The following TCERG1L variants were observed in gnomAD, a reference collection of about 807,000 sequenced individuals.
TCERG1L encodes the protein transcription elongation regulator 1 like.
A neutral mutation model predicts 56.3 loss-of-function variants in TCERG1L; 37 were observed. The ratio of observed to expected loss-of-function variants is 0.66; its 90% CI spans 0.51 to 0.87. The LOEUF is 0.87. Ranked by LOEUF, TCERG1L falls within the 40% of genes least tolerant of loss-of-function variation. The probability of loss-of-function intolerance (pLI) is 0.00; values close to 1 mark genes in which losing one functional copy is unlikely to be tolerated. For missense variants in TCERG1L, 799 were observed against 774.2 expected (o/e 1.03, Z -0.38); for synonymous variants, 324 against 326.3 (o/e 0.99, Z 0.08).
intron 6 of TCERG1L, among the ~76,000 whole-genome samples, chr10:131,154,861 C>A (rs1845902921): frequency 1.3e-5 from 2 of 152,240 alleles, no homozygotes; most frequent in Admixed American, 6.5e-5. Flanking sequence ...GAAGGGGCAG[C>A]CTGGGCCAGG....
At chr10:131,203,570 G>A (rs998631391) in intron 4 of TCERG1L, among the ~76,000 whole-genome samples, 15 of 152,180 alleles carry the variant, frequency 9.9e-5, no homozygotes, top group African/African-American at 2.4e-4. Context: ...GTTCACATTC[G>A]AAGATGGTGC....
At chr10:131,185,147 G>C (rs923117129) in intron 4 of TCERG1L, among the ~76,000 whole-genome samples, 7 of 152,062 alleles carry the variant, frequency 4.6e-5, no homozygotes, top group Admixed American at 2.0e-4. Context: ...AGATAATATA[G>C]ATGTGGGTAT....
chr10:131,092,927 C>T lies in TCERG1L; in HGVS notation c.*235G>A. 2.2e-6 allele frequency: 1 copy of T among 446,290 alleles called. No individual in the cohort carries two copies. The highest frequency in any genetic ancestry group is 4.0e-6 in the Non-Finnish European group (1 of 252,566). 27.6% of individuals were successfully genotyped at this position (446,290 alleles called of 1,614,324 possible). ...TTACAAGTAATTTGCATAATTAAAA[C>T]AATTAAGGGATCGACGTATCACGGT... On this transcript the variant is annotated 3_prime_UTR_variant, in exon 12 of 12. Coordinates refer to ENST00000368642, the MANE Select transcript of TCERG1L (RefSeq NM_174937.4).
At chr10:131,308,174 A>G (rs1321079983) in intron 3 of TCERG1L, 37 bp downstream of exon 3, 1 of 1,549,060 alleles carries the variant, frequency 6.5e-7, no homozygotes, top group African/African-American at 1.4e-5. Flanking sequence ...TGAAGCAAAA[A>G]TGAAACAGAC....
At chr10:131,214,151 T>G (rs1359528630) in intron 4 of TCERG1L, among the ~76,000 whole-genome samples, 2 of 152,180 alleles carry the variant, frequency 1.3e-5, no homozygotes, top group Non-Finnish European at 2.9e-5. Flanking sequence ...CCTGACATCC[T>G]CTGCAGGGTC....
intron 6 of TCERG1L, among the ~76,000 whole-genome samples, chr10:131,150,791 C>T (rs1007203799): frequency 7.2e-5 from 11 of 152,148 alleles, no homozygotes; most frequent in African/African-American, 2.7e-4. Flanking sequence ...TCTCACATTG[C>T]TGTAAGGAGA....
intron 4 of TCERG1L, among the ~76,000 whole-genome samples, chr10:131,194,783 G>A (rs191224733): frequency 1.3e-5 from 2 of 152,226 alleles, no homozygotes; most frequent in Admixed American, 6.5e-5. Context: ...AATCCATTTC[G>A]CCTGTTGATT....
At chr10:131,131,490 C>T (rs966759275) in intron 8 of TCERG1L, among the ~76,000 whole-genome samples, 2 of 152,154 alleles carry the variant, frequency 1.3e-5, no homozygotes, top group African/African-American at 4.8e-5. Context: ...CAATGCATCC[C>T]TCTAAATAGT....
intron 3 of TCERG1L, among the ~76,000 whole-genome samples, chr10:131,306,730 T>G (rs777464585): frequency 6.6e-5 from 10 of 152,118 alleles, no homozygotes; most frequent in Non-Finnish European, 1.3e-4. Flanking sequence ...TCAATACAAA[T>G]ATGTTTCTAA....
rs1452673797 is a variant in TCERG1L at position 131,112,833 on chromosome 10, T to G, written c.1395+3966A>C. ...GTGGGGTGAGGAAGGTGCCCAAATTTGCCGAGCGGTAACCTTACCAAGGAC... is the reference window on the plus strand; with the variant it reads ...GTGGGGTGAGGAAGGTGCCCAAATTGGCCGAGCGGTAACCTTACCAAGGAC... On this transcript the variant is annotated intron_variant, in intron 9 of 11. Transcript: ENST00000368642. Among the ~76,000 whole-genome samples the G allele has an allele frequency of 1.4e-5, 2 of 142,398 alleles. 1 individual carries two copies. Among genetic ancestry groups the G allele is most frequent in the Non-Finnish European group, 3.2e-5 (2 of 63,272 alleles). The allele number at this position is 142,398 out of a possible 152,430, so 93.4% of individuals were successfully genotyped here.
intron 8 of TCERG1L, among the ~76,000 whole-genome samples, chr10:131,133,749 AC>A (rs539000201): frequency 3.3e-5 from 5 of 152,230 alleles, no homozygotes; most frequent in African/African-American, 1.2e-4. Context: ...GCAGGAGCCA[AC>A]CCCCAACTTG....
intron 3 of TCERG1L, among the ~76,000 whole-genome samples, chr10:131,301,098 C>G (rs1187870219): frequency 6.6e-6 from 1 of 152,096 alleles, no homozygotes; most frequent in East Asian, 1.9e-4. Context: ...ATATGTCCCT[C>G]TCCTTCCACC....
chr10:131,231,076 G>C (rs987587099), intron 4 of TCERG1L, among the ~76,000 whole-genome samples: 5 of 150,798 alleles, frequency 3.3e-5, no homozygotes, highest in East Asian at 3.9e-4. Context: ...GGACCTGGAG[G>C]GGGGCAGTGG....
chr10:131,160,535 G>C (rs1436542221), intron 6 of TCERG1L, among the ~76,000 whole-genome samples: 3 of 152,072 alleles, frequency 2.0e-5, no homozygotes, highest in Non-Finnish European at 4.4e-5. Context: ...AGTACCCCTG[G>C]CTTAGCTGCT....
chr10:131,196,472 C>T (rs1845364677), intron 4 of TCERG1L, among the ~76,000 whole-genome samples: 1 of 152,236 alleles, frequency 6.6e-6, no homozygotes, highest in African/African-American at 2.4e-5. Flanking sequence ...ACACTCACAG[C>T]CAAGGCCTGA....
intron 4 of TCERG1L, among the ~76,000 whole-genome samples, chr10:131,179,145 C>T (rs938833091): frequency 3.3e-5 from 5 of 152,290 alleles, no homozygotes; most frequent in South Asian, 4.1e-4. Context: ...TCAGGCTGCC[C>T]GGATCAGGAG....
At chr10:131,173,033 G>A (rs1219920386) in intron 4 of TCERG1L, among the ~76,000 whole-genome samples, 2 of 151,874 alleles carry the variant, frequency 1.3e-5, no homozygotes, top group Non-Finnish European at 2.9e-5. Flanking sequence ...TGAGATTACA[G>A]GGGCCCGCCA....
intron 6 of TCERG1L, among the ~76,000 whole-genome samples, chr10:131,147,486 G>T (rs2133415493): frequency 6.6e-6 from 1 of 152,354 alleles, no homozygotes; most frequent in South Asian, 2.1e-4. Flanking sequence ...ATAAAGGCCA[G>T]CAAGGCCGGC....
chr10:131,112,882 T>C (rs1845424704), intron 9 of TCERG1L, among the ~76,000 whole-genome samples: 1 of 142,430 alleles, frequency 7.0e-6, no homozygotes, highest in African/African-American at 2.5e-5. Flanking sequence ...TTTCACCTAC[T>C]GACCCCCGTC....
Sources: allele counts gnomAD v4.1 joint callset (sites outside exome capture counted in the v4.1 genomes callset), GRCh38; gene constraint gnomAD v4.1.1; transcripts MANE v1.5; gene names NCBI Gene and HGNC (gene_info 2026-07-23, HGNC 2026-07-21).